The following PRKACA variants were observed in gnomAD, a reference collection of about 807,000 sequenced individuals.
PRKACA encodes protein kinase cAMP-activated catalytic subunit alpha.
In PRKACA, 9 loss-of-function variants were observed where a neutral mutation model predicts 45.8. The observed-to-expected ratio is 0.20, with a 90% CI of 0.12 to 0.34. The LOEUF (loss-of-function observed/expected upper bound fraction) is 0.34. PRKACA is among the 10% of genes least tolerant of loss of function. PRKACA has a pLI of 1.00. For synonymous variants in PRKACA, 160 were observed against 178.6 expected, an observed-to-expected ratio of 0.90 and a Z score of 0.83; for missense variants, 238 against 458.6, an observed-to-expected ratio of 0.52 and a Z score of 4.39.
chr19:14,098,814 GAA>G (rs78905737), intron 5 of PRKACA, among the ~76,000 whole-genome samples: 3,987 of 90,614 alleles, frequency 0.044, 197 homozygotes, highest in African/African-American at 0.14. Flanking sequence ...TATGTTATTG[GAA>G]AAAAAAAAAA....
In PRKACA at chr19:14,092,706, T is replaced by A. The variant is rs1031324528; in HGVS notation, c.*406A>T. 7 of 240,048 alleles carry A rather than the reference T, an allele frequency of 2.9e-5. No individual in the cohort carries two copies. The highest frequency in any genetic ancestry group is 5.4e-5 in the Non-Finnish European group (7 of 129,276). 14.9% of individuals were successfully genotyped at this position (240,048 alleles called of 1,614,324 possible). A position where few individuals can be genotyped will look rare whatever the true frequency, so the allele number is the denominator to read the frequency against. ...TTAGCAAGTGGGGCCTGTGGTTGGG[T>A]GGGATGGGGGTGTGGGTGGGGGCTG... On this transcript the variant is annotated 3_prime_UTR_variant, in exon 10 of 10. Transcript: ENST00000308677.
Position 14,117,517 on chromosome 19 carries a change from T to C in PRKACA, c.31A>G (p.Ser11Gly), listed in dbSNP as rs1299646385. 1.6e-6 allele frequency: 2 copies of C among 1,232,426 alleles called. No individual in the cohort carries two copies. Among genetic ancestry groups the C allele is most frequent in the Non-Finnish European group, 2.0e-6 (2 of 983,436 alleles). The allele number at this position is 1,232,426 out of a possible 1,614,324, so 76.3% of individuals were successfully genotyped here. The part of the protein sequence containing the change: MGNAAAAKKG[S>G]EQESVKEFLA... ...GGGCACTCACCGCTCTCCTGCTCGC[T>C]GCCCTTCTTGGCGGCGGCGGCGTTG... The change falls in exon 1 of 10, where the codon AGC (serine) becomes GGC (glycine). Residue 11 changes from serine to glycine, a missense_variant. Physicochemically the swap from Ser to Gly is moderately conservative, Grantham distance 56. Around this residue, in one of 3 missense-constraint regions of PRKACA, gnomAD observed 93 missense variants for 149.1 expected, o/e 0.62. Transcript: ENST00000308677.
At chr19:14,099,075 T>C (rs966799279) in intron 5 of PRKACA, among the ~76,000 whole-genome samples, 2 of 151,910 alleles carry the variant, frequency 1.3e-5, no homozygotes, top group Non-Finnish European at 2.9e-5. Flanking sequence ...GCGGATCACC[T>C]GAGGTCAGGA....
At position 14,113,245 on chromosome 19, in the gene PRKACA, CCTT is replaced by C. The variant is rs141441638; in HGVS notation, c.46+4254_46+4256del. 7.3e-3 allele frequency among the ~76,000 whole-genome samples: 1,117 copies of C among 152,238 alleles called. 13 individuals are homozygous for C. The highest frequency in any genetic ancestry group is 0.025 in the African/African-American group (1,038 of 41,522). Reference sequence around the variant, plus strand: ...GGGAGGCAGCCTTGACCATCTTCCTCCTTCTTTCCAGATCCCAAAAGAAGCAGA... The same window carrying C: ...GGGAGGCAGCCTTGACCATCTTCCTCCTTTCCAGATCCCAAAAGAAGCAGA... On this transcript the variant is annotated intron_variant, in intron 1 of 9. Coordinates refer to ENST00000308677, the MANE Select transcript of PRKACA (RefSeq NM_002730.4).
At chr19:14,106,731 A>T in intron 3 of PRKACA, 29 bp downstream of exon 3, 1 of 1,613,566 alleles carries the variant, frequency 6.2e-7, no homozygotes, top group South Asian at 1.1e-5. Context: ...CCTGACAGGC[A>T]GGCCCTGAGC....
chr19:14,107,395 C>A lies in PRKACA; in HGVS notation c.61G>T (p.Ala21Ser), dbSNP rs1977645307. ...SEQESVKEFLAKAKEDFLKKW... is the reference protein window; with the variant it reads ...SEQESVKEFLSKAKEDFLKKW... ...TTAAGAAAATCTTCTTTGGCTTTGGCTAAGAATTCTTTCACTGAAAGGGAG... is the reference window on the plus strand; with the variant it reads ...TTAAGAAAATCTTCTTTGGCTTTGGATAAGAATTCTTTCACTGAAAGGGAG... The change falls in exon 2 of 10, where the codon GCC (alanine) becomes TCC (serine). Residue 21 changes from alanine (A) to serine (S), a missense_variant. Around this residue, in one of 3 missense-constraint regions of PRKACA, gnomAD observed 93 missense variants for 149.1 expected, o/e 0.62. Coordinates refer to ENST00000308677, the MANE Select transcript of PRKACA (RefSeq NM_002730.4). 2 of 1,613,990 alleles carry A rather than the reference C, an allele frequency of 1.2e-6. No individual in the cohort carries two copies. The highest frequency in any genetic ancestry group is 1.7e-6 in the Non-Finnish European group (2 of 1,179,966).
At chr19:14,098,486 A>ATTTTT (rs1272326080) in intron 5 of PRKACA, 10 of 146,036 alleles carry the variant, frequency 6.8e-5, no homozygotes, top group African/African-American at 2.6e-4. Context: ...ATATATATAT[A>ATTTTT]TATTTTTTTT....
intron 1 of PRKACA, 135 bp downstream of exon 1, chr19:14,117,367 C>T (rs1242771029): frequency 2.9e-6 from 3 of 1,048,142 alleles, no homozygotes; most frequent in South Asian, 4.4e-5. Flanking sequence ...CAGCCTTGGA[C>T]AGGCCGGGGC....
intron 5 of PRKACA, among the ~76,000 whole-genome samples, chr19:14,099,434 T>C (rs1303642726): frequency 2.6e-5 from 4 of 151,884 alleles, no homozygotes; most frequent in Admixed American, 2.6e-4. Flanking sequence ...GATCACGGCT[T>C]ATGCAGTCTT....
intron 1 of PRKACA, among the ~76,000 whole-genome samples, chr19:14,109,328 C>CA (rs1000221865): frequency 1.7e-4 from 26 of 151,624 alleles, no homozygotes; most frequent in African/African-American, 6.3e-4. Context: ...ACTAAAAGTA[C>CA]AAAAAAATCA....
At chr19:14,110,737 C>T (rs1966942611) in intron 1 of PRKACA, among the ~76,000 whole-genome samples, 1 of 152,200 alleles carries the variant, frequency 6.6e-6, no homozygotes, top group African/African-American at 2.4e-5. Context: ...ATTTTCTATG[C>T]TTCGTTCTCA....
chr19:14,108,724 AATTATT>A (rs757151285), intron 1 of PRKACA, among the ~76,000 whole-genome samples: 1 of 135,274 alleles, frequency 7.4e-6, no homozygotes, highest in Non-Finnish European at 1.6e-5. Context: ...TATTTTTTTT[AATTATT>A]ATTATTTTTT....
intron 9 of PRKACA, among the ~76,000 whole-genome samples, 168 bp downstream of exon 9, chr19:14,093,460 G>A (rs1427919602): frequency 6.6e-6 from 1 of 152,152 alleles, no homozygotes; most frequent in Non-Finnish European, 1.5e-5. Context: ...CAAGGTCATG[G>A]AATGGCCAAA....
At chr19:14,107,023 G>A in intron 2 of PRKACA, 135 bp from the exon 3 acceptor site, 1 of 1,187,880 alleles carries the variant, frequency 8.4e-7, no homozygotes, top group Middle Eastern at 2.9e-4. Flanking sequence ...GAGGACAGGG[G>A]GCGGAAAATC....
chr19:14,100,726 G>A, intron 5 of PRKACA, 100 bp downstream of exon 5: 1 of 1,160,492 alleles, frequency 8.6e-7, no homozygotes, highest in Non-Finnish European at 1.3e-6. Flanking sequence ...CCTGCATGTT[G>A]AAGTATGCTG....
At position 14,100,819 on chromosome 19, in the gene PRKACA, C is replaced by A; in HGVS notation, c.419+7G>T. ...CAGCCTGATGTGATGGGGGGTGGCCCGCTTACCTGAACCTTCCGATCCGCC... is the reference window on the plus strand; with the variant it reads ...CAGCCTGATGTGATGGGGGGTGGCCAGCTTACCTGAACCTTCCGATCCGCC... On this transcript the variant is annotated splice_region_variant and intron_variant, in intron 5 of 9. Transcript: ENST00000308677. 9.9e-6 allele frequency: 16 copies of A among 1,613,860 alleles called. No homozygotes were observed. The highest frequency in any genetic ancestry group is 1.4e-5 in the Non-Finnish European group (16 of 1,179,798).
intron 3 of PRKACA, among the ~76,000 whole-genome samples, chr19:14,105,527 TAAA>T (rs1176530649): frequency 6.6e-6 from 1 of 150,466 alleles, no homozygotes; most frequent in African/African-American, 2.4e-5. Flanking sequence ...AAAAAAAACA[TAAA>T]AAAAAGCCCC....
At chr19:14,106,722 CTGACAGGCAG>C (rs759188087) in intron 3 of PRKACA, 28 bp downstream of exon 3, 2 of 1,613,238 alleles carry the variant, frequency 1.2e-6, no homozygotes, top group South Asian at 2.2e-5. Context: ...AGGCAAAGGC[CTGACAGGCAG>C]GCCCTGAGCG....
chr19:14,097,156 C>T lies in PRKACA; in HGVS notation c.765+205G>A. ...CGGGATTTTGGAAGCCCATGGGATTCTGGAACCGCGGGGTTGGGGCTGGAC... is the reference window on the plus strand; with the variant it reads ...CGGGATTTTGGAAGCCCATGGGATTTTGGAACCGCGGGGTTGGGGCTGGAC... On this transcript the variant is annotated intron_variant, in intron 8 of 9. Coordinates refer to ENST00000308677, the MANE Select transcript of PRKACA (RefSeq NM_002730.4). The surrounding 1 kb of genome is among the most constrained non-coding windows in gnomAD (Gnocchi z 5.4). The T allele has an allele frequency of 1.4e-6, 1 of 718,540 alleles. No homozygotes were observed. The highest frequency in any genetic ancestry group is 2.2e-6 in the Non-Finnish European group (1 of 445,190). The allele number at this position is 718,540 out of a possible 1,614,324, so 44.5% of individuals were successfully genotyped here.
Sources: gnomAD v4.1 joint callset for allele counts (sites outside exome capture counted in the v4.1 genomes callset) on GRCh38, gnomAD v4.1.1 for gene constraint, gnomAD v4.1.1 regional missense constraint, Gnocchi (gnomAD v3.1) non-coding constraint, MANE v1.5 for transcripts, NCBI Gene and HGNC (gene_info 2026-07-23, HGNC 2026-07-21) for gene names.